The following CXCL16 variants were observed in gnomAD, a reference collection of about 807,000 sequenced individuals.
The protein encoded by CXCL16 is C-X-C motif chemokine ligand 16, also known as C-X-C motif chemokine 16.
In CXCL16, 18 loss-of-function variants were observed where a neutral mutation model predicts 23.8. That is an observed-to-expected ratio of 0.76 (90% CI 0.52 to 1.12). The LOEUF (loss-of-function observed/expected upper bound fraction) is 1.12. Ranked by LOEUF, CXCL16 falls within the 50% of genes most tolerant of loss-of-function variation. The pLI, the probability that CXCL16 is intolerant of heterozygous loss-of-function variation, is 0.00. For synonymous variants in CXCL16, 123 were observed against 132.5 expected (o/e 0.93, Z 0.49); for missense variants, 297 against 315.4 (o/e 0.94, Z 0.44).
Position 4,734,497 on chromosome 17 carries a change from AAAAC to A in CXCL16, c.*24-22_*24-19del, listed in dbSNP as rs1916091890. ...GTCCGTCTCTAAAAAACAAAAAACA[AAAAC>A]AAGTATGTATACAGTGCCTACCATG... On this transcript the variant is annotated intron_variant, in intron 5 of 5. Transcript: ENST00000293778. The A allele has an allele frequency of 1.1e-6, 1 of 898,490 alleles. No homozygotes were observed. Among genetic ancestry groups the A allele is most frequent in the South Asian group, 1.4e-5 (1 of 70,428 alleles). 55.7% of individuals were successfully genotyped at this position (898,490 alleles called of 1,614,324 possible). A position where few individuals can be genotyped will look rare whatever the true frequency, so the allele number is the denominator to read the frequency against.
In CXCL16 at chr17:4,738,540, G is replaced by A. The variant is rs544890776; in HGVS notation, c.219-50C>T. 9 of 1,435,890 alleles carry A rather than the reference G, an allele frequency of 6.3e-6. No individual in the cohort carries two copies. In the East Asian group the frequency reaches 1.1e-4, roughly 18 times the overall value. 88.9% of individuals were successfully genotyped at this position (1,435,890 alleles called of 1,614,324 possible). ...GCTGCGGCGCCTTCTTTCCTTCCCC[G>A]GCTCCTTCCTCATTCCAGAGGCGTG... On this transcript the variant is annotated intron_variant, in intron 2 of 5. Transcript: ENST00000293778. The surrounding 1 kb of genome is among the most constrained non-coding windows in gnomAD (Gnocchi z 4.0).
rs62065009 is a variant in CXCL16 at position 4,738,072 on chromosome 17, G to C, written c.301+336C>G. ...TTGAACCTGGGAGGCAGAGGTTGCA[G>C]TGAGCCAAGATCGTGCCACTGCACT... On this transcript the variant is annotated intron_variant, in intron 3 of 5. Coordinates refer to ENST00000293778, the MANE Select transcript of CXCL16 (RefSeq NM_001386809.1). The surrounding 1 kb of genome is among the most constrained non-coding windows in gnomAD (Gnocchi z 4.0). Among the ~76,000 whole-genome samples, 72,916 of 150,168 alleles carry C rather than the reference G, an allele frequency of 0.49. 18,545 individuals carry two copies. Among genetic ancestry groups the C allele is most frequent in the East Asian group, 0.59 (3,062 of 5,150 alleles).
In CXCL16 at chr17:4,738,070, CA is replaced by C. The variant is rs67929760; in HGVS notation, c.301+337del. Among the ~76,000 whole-genome samples the C allele has an allele frequency of 0.49, 72,882 of 150,112 alleles. 18,541 individuals are homozygous for C. The highest frequency in any genetic ancestry group is 0.6 in the East Asian group (3,065 of 5,146). On this transcript the variant is annotated intron_variant, in intron 3 of 5. Coordinates refer to ENST00000293778, the MANE Select transcript of CXCL16 (RefSeq NM_001386809.1). The surrounding 1 kb of genome is among the most constrained non-coding windows in gnomAD (Gnocchi z 4.0). ...TCTTGAACCTGGGAGGCAGAGGTTG[CA>C]GTGAGCCAAGATCGTGCCACTGCAC... is the stretch of plus-strand genomic sequence containing the variant.
Position 4,734,787 on chromosome 17 carries a change from T to C in CXCL16, c.719-135A>G, listed in dbSNP as rs531794137. 9.8e-4 allele frequency: 790 copies of C among 805,174 alleles called. 3 individuals are homozygous for C. Among genetic ancestry groups the C allele is most frequent in the Non-Finnish European group, 1.0e-3 (489 of 471,384 alleles). 49.9% of individuals were successfully genotyped at this position (805,174 alleles called of 1,614,324 possible). A position where few individuals can be genotyped will look rare whatever the true frequency, so the allele number is the denominator to read the frequency against. On this transcript the variant is annotated intron_variant, in intron 4 of 5. Coordinates refer to ENST00000293778, the MANE Select transcript of CXCL16 (RefSeq NM_001386809.1). ...CCCACAGTAGGTGCTCAGTGAAAAT[T>C]TGTGAATTGAATGACTGGCCCTCAC...
At chr17:4,734,770 A>T (rs1916101390) in intron 4 of CXCL16, 118 bp from the exon 5 acceptor site, 5 of 886,142 alleles carry the variant, frequency 5.6e-6, no homozygotes, top group Non-Finnish European at 7.5e-6. Flanking sequence ...GGCCCACAGT[A>T]GGTGCTCAGT....
chr17:4,739,733 C>T lies in CXCL16; in HGVS notation c.-394G>A. ...ATTCGGTTCGGTTCAGGAGGCCGCC[C>T]GCCTGGCCCGTCCGCCGACCTGTGA... On this transcript the variant is annotated 5_prime_UTR_variant, in exon 1 of 6. Transcript: ENST00000293778. This position sits in a 1 kb window ranked among gnomAD's most constrained non-coding sequence, Gnocchi z 5.3. The T allele has an allele frequency of 9.6e-7, 1 of 1,045,516 alleles. No homozygotes were observed. Among genetic ancestry groups the T allele is most frequent in the Non-Finnish European group, 1.2e-6 (1 of 840,466 alleles). 64.8% of individuals were successfully genotyped at this position (1,045,516 alleles called of 1,614,324 possible). A position where few individuals can be genotyped will look rare whatever the true frequency, so the allele number is the denominator to read the frequency against.
In CXCL16 at chr17:4,739,601, C is replaced by T. The variant is rs959026590; in HGVS notation, c.-262G>A. 1 of 664,158 alleles carries T rather than the reference C, an allele frequency of 1.5e-6. No homozygotes were observed. Among genetic ancestry groups the T allele is most frequent in the African/African-American group, 1.9e-5 (1 of 51,492 alleles). The allele number at this position is 664,158 out of a possible 1,614,324, so 41.1% of individuals were successfully genotyped here. A position where few individuals can be genotyped will look rare whatever the true frequency, so the allele number is the denominator to read the frequency against. On this transcript the variant is annotated 5_prime_UTR_variant, in exon 1 of 6. Transcript: ENST00000293778. The surrounding 1 kb of genome is among the most constrained non-coding windows in gnomAD (Gnocchi z 5.3). ...GGAGCTCCCGCGCCCTGCGCCCCCGCACTGGGCCCGGCTCCGTCGAGGGAA... is the reference window on the plus strand; with the variant it reads ...GGAGCTCCCGCGCCCTGCGCCCCCGTACTGGGCCCGGCTCCGTCGAGGGAA...
At position 4,738,954 on chromosome 17, in the gene CXCL16, C is replaced by T. The variant is rs149103530; in HGVS notation, c.80-34G>A. ...GACGGAGGTGGTCGGCACCCATTCC[C>T]AGGCCCAGGGTCCCCACTCCGCTGT... On this transcript the variant is annotated intron_variant, in intron 1 of 5. Coordinates refer to ENST00000293778, the MANE Select transcript of CXCL16 (RefSeq NM_001386809.1). The surrounding 1 kb of genome is among the most constrained non-coding windows in gnomAD (Gnocchi z 4.0). 12 of 1,608,098 alleles carry T rather than the reference C, an allele frequency of 7.5e-6. No individual in the cohort carries two copies. Among genetic ancestry groups the T allele is most frequent in the Middle Eastern group, 3.3e-4 (2 of 6,028 alleles).
rs182091897 is a variant in CXCL16 at position 4,739,793 on chromosome 17, G to T, written c.-454C>A. On this transcript the variant is annotated 5_prime_UTR_variant, in exon 1 of 6. An upstream open reading frame in the 5' UTR gains an earlier in-frame stop. Transcript: ENST00000293778. This position sits in a 1 kb window ranked among gnomAD's most constrained non-coding sequence, Gnocchi z 5.3. Reference sequence around the variant, plus strand: ...ACTGCCGGACCGGCCCTCCTCCTCCGAGGCACTTTCACTTCCCCGATCCGG... The same window carrying T: ...ACTGCCGGACCGGCCCTCCTCCTCCTAGGCACTTTCACTTCCCCGATCCGG... 2,251 of 1,014,650 alleles carry T rather than the reference G, an allele frequency of 2.2e-3. 40 individuals are homozygous for T. In the African/African-American group the frequency reaches 0.036, roughly 16 times the overall value. 62.9% of individuals were successfully genotyped at this position (1,014,650 alleles called of 1,614,324 possible). A position where few individuals can be genotyped will look rare whatever the true frequency, so the allele number is the denominator to read the frequency against.
At chr17:4,737,870 G>A (rs1043999324) in intron 3 of CXCL16, among the ~76,000 whole-genome samples, 3 of 151,160 alleles carry the variant, frequency 2.0e-5, no homozygotes, top group African/African-American at 4.9e-5. Flanking sequence ...GGTGGCTCAC[G>A]CCTGTAATCC....
rs115738939 is a variant in CXCL16 at position 4,738,574 on chromosome 17, A to C, written c.219-84T>G. On this transcript the variant is annotated intron_variant, in intron 2 of 5. Transcript: ENST00000293778. The surrounding 1 kb of genome is among the most constrained non-coding windows in gnomAD (Gnocchi z 4.0). Reference sequence around the variant, plus strand: ...CTCATTCCAGAGGCGTGAAGTTGCCACCAAGAAAGAGCCCTTTCTCCTGGG... The same window carrying C: ...CTCATTCCAGAGGCGTGAAGTTGCCCCCAAGAAAGAGCCCTTTCTCCTGGG... The C allele has an allele frequency of 3.1e-3, 3,601 of 1,157,500 alleles. 60 individuals carry two copies. The East Asian group carries it at 0.035, about 11-fold the overall frequency. 71.7% of individuals were successfully genotyped at this position (1,157,500 alleles called of 1,614,324 possible).
At position 4,739,176 on chromosome 17, in the gene CXCL16, A is replaced by G. The variant is rs1916261696; in HGVS notation, c.79+85T>C. 2 of 1,494,304 alleles carry G rather than the reference A, an allele frequency of 1.3e-6. No homozygotes were observed. The highest frequency in any genetic ancestry group is 2.1e-5 in the Admixed American group (1 of 48,378). The allele number at this position is 1,494,304 out of a possible 1,614,324, so 92.6% of individuals were successfully genotyped here. ...TGTCCCCGCTGCCTTCATCCACTCA[A>G]CTCCGTGGGCCTCGTGTCCCCTCCC... On this transcript the variant is annotated intron_variant, in intron 1 of 5. Coordinates refer to ENST00000293778, the MANE Select transcript of CXCL16 (RefSeq NM_001386809.1). This position sits in a 1 kb window ranked among gnomAD's most constrained non-coding sequence, Gnocchi z 5.3.
rs537961231 is a variant in CXCL16 at position 4,739,773 on chromosome 17, C to T, written c.-434G>A. 230 of 1,044,114 alleles carry T rather than the reference C, an allele frequency of 2.2e-4. 5 individuals are homozygous for T. In the South Asian group the frequency reaches 7.6e-3, roughly 34 times the overall value. 64.7% of individuals were successfully genotyped at this position (1,044,114 alleles called of 1,614,324 possible). On this transcript the variant is annotated 5_prime_UTR_variant, in exon 1 of 6. Transcript: ENST00000293778. The surrounding 1 kb of genome is among the most constrained non-coding windows in gnomAD (Gnocchi z 5.3). Reference sequence around the variant, plus strand: ...CCGACCTGTGAGGCGGCTGCACTGCCGGACCGGCCCTCCTCCTCCGAGGCA... The same window carrying T: ...CCGACCTGTGAGGCGGCTGCACTGCTGGACCGGCCCTCCTCCTCCGAGGCA...
intron 3 of CXCL16, among the ~76,000 whole-genome samples, chr17:4,737,395 C>T (rs1374137537): frequency 4.0e-5 from 6 of 149,184 alleles, no homozygotes; most frequent in South Asian, 2.1e-4. Flanking sequence ...CTGACCAACA[C>T]GGTGAAACCC....
chr17:4,739,584 C>G lies in CXCL16; in HGVS notation c.-245G>C. On this transcript the variant is annotated 5_prime_UTR_variant, in exon 1 of 6. Coordinates refer to ENST00000293778, the MANE Select transcript of CXCL16 (RefSeq NM_001386809.1). This position sits in a 1 kb window ranked among gnomAD's most constrained non-coding sequence, Gnocchi z 5.3. ...GGGAAAGCCGAGGAGGTGGAGCTCC[C>G]GCGCCCTGCGCCCCCGCACTGGGCC... 1 of 664,222 alleles carries G rather than the reference C, an allele frequency of 1.5e-6. No homozygotes were observed. The highest frequency in any genetic ancestry group is 2.4e-6 in the Non-Finnish European group (1 of 417,160). The allele number at this position is 664,222 out of a possible 1,614,324, so 41.1% of individuals were successfully genotyped here.
rs1461616352 is a variant in CXCL16 at position 4,739,526 on chromosome 17, A to ACTCGG, written c.-192_-188dup. On this transcript the variant is annotated 5_prime_UTR_variant, in exon 1 of 6. It removes the in-frame stop codon of an upstream open reading frame in the 5' UTR. Transcript: ENST00000293778. The surrounding 1 kb of genome is among the most constrained non-coding windows in gnomAD (Gnocchi z 5.3). ...GCTGTGCCCCGACCGTGCGCTCAGT[A>ACTCGG]CTCGGCCCGCGCCATGCCAGCCTCT... 1 of 837,492 alleles carries ACTCGG rather than the reference A, an allele frequency of 1.2e-6. No homozygotes were observed. Among genetic ancestry groups the ACTCGG allele is most frequent in the Non-Finnish European group, 1.8e-6 (1 of 555,010 alleles). 51.9% of individuals were successfully genotyped at this position (837,492 alleles called of 1,614,324 possible). A position where few individuals can be genotyped will look rare whatever the true frequency, so the allele number is the denominator to read the frequency against.
At position 4,739,629 on chromosome 17, in the gene CXCL16, C is replaced by A; in HGVS notation, c.-290G>T. On this transcript the variant is annotated 5_prime_UTR_variant, in exon 1 of 6. Transcript: ENST00000293778. This position sits in a 1 kb window ranked among gnomAD's most constrained non-coding sequence, Gnocchi z 5.3. ...TGGGCCCGGCTCCGTCGAGGGAAGGCCAGGAATCTTGGAAGAAACCGAAAG... is the reference window on the plus strand; with the variant it reads ...TGGGCCCGGCTCCGTCGAGGGAAGGACAGGAATCTTGGAAGAAACCGAAAG... 1.5e-6 allele frequency: 1 copy of A among 679,482 alleles called. No homozygotes were observed. The allele number at this position is 679,482 out of a possible 1,614,324, so 42.1% of individuals were successfully genotyped here.
At chr17:4,737,933 C>G (rs1433435125) in intron 3 of CXCL16, among the ~76,000 whole-genome samples, 1 of 151,146 alleles carries the variant, frequency 6.6e-6, no homozygotes, top group African/African-American at 2.4e-5. Flanking sequence ...AGTTCGAGAC[C>G]AGCCTGGCCA....
Position 4,739,886 on chromosome 17 carries a change from C to A in CXCL16, c.-547G>T. Reference sequence around the variant, plus strand: ...CCCGGTGGAGAGAGTCGCCGCCAGCCCCGGCCGCGCGCACCTGCGGGGCAG... The same window carrying A: ...CCCGGTGGAGAGAGTCGCCGCCAGCACCGGCCGCGCGCACCTGCGGGGCAG... On this transcript the variant is annotated 5_prime_UTR_variant, in exon 1 of 6. Transcript: ENST00000293778. The surrounding 1 kb of genome is among the most constrained non-coding windows in gnomAD (Gnocchi z 5.3). 1 of 985,656 alleles carries A rather than the reference C, an allele frequency of 1.0e-6. No individual in the cohort carries two copies. Among genetic ancestry groups the A allele is most frequent in the Non-Finnish European group, 1.2e-6 (1 of 830,214 alleles). 61.1% of individuals were successfully genotyped at this position (985,656 alleles called of 1,614,324 possible).
Sources: allele counts gnomAD v4.1 joint callset (sites outside exome capture counted in the v4.1 genomes callset), GRCh38; gene constraint gnomAD v4.1.1; non-coding constraint Gnocchi (gnomAD v3.1); transcripts MANE v1.5; gene names NCBI Gene and HGNC (gene_info 2026-07-23, HGNC 2026-07-21).